CEP170: variants seen among roughly 807,000 people sequenced by gnomAD.
The protein encoded by CEP170 is centrosomal protein of 170 kDa.
A neutral mutation model predicts 151.9 loss-of-function variants in CEP170; 21 were observed. The ratio of observed to expected loss-of-function variants is 0.14; its 90% CI spans 0.10 to 0.20. The LOEUF (loss-of-function observed/expected upper bound fraction) is 0.20, where lower values mean the gene tolerates loss of function less well. Ranked by LOEUF, CEP170 falls within the 10% of genes least tolerant of loss-of-function variation. CEP170 has a pLI of 1.00. For missense variants in CEP170, 964 were observed against 1,892.9 expected, an observed-to-expected ratio of 0.51 and a Z score of 9.11; for synonymous variants, 356 against 648.8, an observed-to-expected ratio of 0.55 and a Z score of 6.86.
At chr1:243,253,200 T>C (rs949685186) in intron 1 of CEP170, 1 of 152,198 alleles carries the variant, frequency 6.6e-6, no homozygotes, top group Non-Finnish European at 1.5e-5. Context: ...AGTAAGTTAC[T>C]TTATGAAAGT....
rs947414000 is a variant in CEP170, at chr1:243,206,350, T to C, written c.275-5515A>G. Among the ~76,000 whole-genome samples, 257 of 136,256 alleles carry C rather than the reference T, an allele frequency of 1.9e-3. 6 individuals are homozygous for C. The highest frequency in any genetic ancestry group is 3.5e-4 in the Non-Finnish European group (22 of 63,524). The allele number at this position is 136,256 out of a possible 152,430, so 89.4% of individuals were successfully genotyped here. On this transcript the variant is annotated intron_variant, in intron 4 of 19. Coordinates refer to ENST00000366542, the MANE Select transcript of CEP170 (RefSeq NM_014812.3). Reference sequence around the variant, plus strand: ...GGTTTCCCCATGTTTGCGAGGCTGATCTCAAACTCCCAACTTCATGATCCG... The same window carrying C: ...GGTTTCCCCATGTTTGCGAGGCTGACCTCAAACTCCCAACTTCATGATCCG...
At chr1:243,145,541 G>A (rs1161119756) in intron 14 of CEP170, among the ~76,000 whole-genome samples, 1 of 152,220 alleles carries the variant, frequency 6.6e-6, no homozygotes, top group African/African-American at 2.4e-5. Flanking sequence ...CCAAAGAGCT[G>A]GGATTACAGG....
chr1:243,201,441 T>C (rs1479038937), intron 4 of CEP170, among the ~76,000 whole-genome samples: 4 of 152,148 alleles, frequency 2.6e-5, no homozygotes, highest in Non-Finnish European at 4.4e-5. Context: ...CTAGATACAA[T>C]GAATGCCTTC....
At chr1:243,246,620 T>G (rs7517866) in intron 1 of CEP170, among the ~76,000 whole-genome samples, 2 of 135,248 alleles carry the variant, frequency 1.5e-5, no homozygotes, top group Admixed American at 7.1e-5. Context: ...CTATGCCACA[T>G]TAAAAGTTAG....
intron 1 of CEP170, among the ~76,000 whole-genome samples, chr1:243,251,778 T>C (rs530787637): frequency 1.3e-5 from 2 of 152,200 alleles, no homozygotes; most frequent in Non-Finnish European, 2.9e-5. Context: ...TTCCTGTTTG[T>C]ATGTAAGTAG....
In CEP170 at chr1:243,165,904, C is replaced by G. The variant is rs749391059; in HGVS notation, c.2056G>C (p.Val686Leu). The G allele has an allele frequency of 1.9e-5, 30 of 1,613,696 alleles. No homozygotes were observed. Among genetic ancestry groups the G allele is most frequent in the Non-Finnish European group, 2.5e-5 (29 of 1,179,762 alleles). Residue 686 changes from valine to leucine, a missense_variant, in exon 13 of 20, where the codon GTA becomes CTA. Coordinates refer to ENST00000366542, the MANE Select transcript of CEP170 (RefSeq NM_014812.3). ...GCATCTTGTTTATCTTTCTGGTATA[C>G]CTGTGTAGGTGTTTCTTTCTCCTGA... ...ELQEKETPTQ[V>L]YQKDKQDADR...
At chr1:243,242,075 A>G (rs1053888761) in intron 1 of CEP170, among the ~76,000 whole-genome samples, 2 of 152,156 alleles carry the variant, frequency 1.3e-5, no homozygotes, top group Non-Finnish European at 2.9e-5. Flanking sequence ...TCTGAGAAGT[A>G]GATGAAAGCA....
At chr1:243,210,957 T>C (rs1191680081) in intron 4 of CEP170, among the ~76,000 whole-genome samples, 1 of 152,074 alleles carries the variant, frequency 6.6e-6, no homozygotes. Context: ...AATTTTATAG[T>C]GTTAATACAT....
chr1:243,166,274 T>C (rs149539044), intron 12 of CEP170, among the ~76,000 whole-genome samples, 158 bp from the exon 13 acceptor site: 12,842 of 152,196 alleles, frequency 0.084, 1,263 homozygotes, highest in African/African-American at 0.22. Flanking sequence ...GTACCTTATA[T>C]AAAGTGGTAT....
intron 10 of CEP170, among the ~76,000 whole-genome samples, chr1:243,173,536 G>A (rs892018236): frequency 2.0e-5 from 3 of 151,270 alleles, no homozygotes; most frequent in Non-Finnish European, 4.4e-5. Context: ...AGGAGTTCCG[G>A]ACCAGCCTGG....
Position 243,203,845 on chromosome 1 carries a change from G to A in CEP170, c.275-3010C>T, listed in dbSNP as rs114223437. Among the ~76,000 whole-genome samples, 1,293 of 151,920 alleles carry A rather than the reference G, an allele frequency of 8.5e-3. 18 individuals carry two copies. The highest frequency in any genetic ancestry group is 0.029 in the African/African-American group (1,222 of 41,462). Reference sequence around the variant, plus strand: ...TTAGAGTCCACAGAGAATTAGTAAGGTAGGTCCTAGGAGACAATAAGGGTT... The same window carrying A: ...TTAGAGTCCACAGAGAATTAGTAAGATAGGTCCTAGGAGACAATAAGGGTT... On this transcript the variant is annotated intron_variant, in intron 4 of 19. Transcript: ENST00000366542.
chr1:243,238,546 T>C (rs564982095), intron 1 of CEP170, among the ~76,000 whole-genome samples: 1 of 152,334 alleles, frequency 6.6e-6, no homozygotes, highest in South Asian at 2.1e-4. Flanking sequence ...GATAAAAGAT[T>C]ATTGGTATTA....
upstream of CEP170, among the ~76,000 whole-genome samples, chr1:243,255,580 G>A (rs1417568277): frequency 1.3e-5 from 2 of 152,198 alleles, no homozygotes; most frequent in Non-Finnish European, 1.5e-5. Context: ...TTACAATCTA[G>A]GCTGTTTGGA....
intron 14 of CEP170, among the ~76,000 whole-genome samples, chr1:243,151,603 G>A (rs1381375883): frequency 6.6e-6 from 1 of 152,258 alleles, no homozygotes; most frequent in Non-Finnish European, 1.5e-5. Context: ...CAGAAGAAAA[G>A]TTTGCAGAGG....
intron 1 of CEP170, among the ~76,000 whole-genome samples, chr1:243,246,739 G>A (rs1224840391): frequency 1.3e-5 from 2 of 152,084 alleles, no homozygotes; most frequent in Non-Finnish European, 2.9e-5. Flanking sequence ...CTTAATGGTA[G>A]AAAATCTTGT....
At chr1:243,233,453 G>T (rs1178282791) in intron 1 of CEP170, among the ~76,000 whole-genome samples, 1 of 152,018 alleles carries the variant, frequency 6.6e-6, no homozygotes, top group Non-Finnish European at 1.5e-5. Flanking sequence ...AATATTTCAG[G>T]CCAGGCGCGG....
intron 8 of CEP170, among the ~76,000 whole-genome samples, chr1:243,189,619 TAA>T (rs1411728912): frequency 1.3e-5 from 2 of 151,618 alleles, no homozygotes; most frequent in Non-Finnish European, 2.9e-5. Context: ...TTATAATGAC[TAA>T]GTTATAAATG....
intron 1 of CEP170, among the ~76,000 whole-genome samples, chr1:243,253,597 T>C (rs1465758034): frequency 6.6e-6 from 1 of 152,214 alleles, no homozygotes; most frequent in Non-Finnish European, 1.5e-5. Flanking sequence ...TTGCTATTCA[T>C]CAGTGTACTG....
intron 2 of CEP170, among the ~76,000 whole-genome samples, chr1:243,223,186 T>C (rs890168239): frequency 1.3e-5 from 2 of 152,130 alleles, no homozygotes; most frequent in Non-Finnish European, 2.9e-5. Flanking sequence ...TTCAAGTACA[T>C]GTAGGCTCTC....
Sources: allele counts gnomAD v4.1 joint callset (sites outside exome capture counted in the v4.1 genomes callset), GRCh38; gene constraint gnomAD v4.1.1; transcripts MANE v1.5; gene names NCBI Gene and HGNC (gene_info 2026-07-23, HGNC 2026-07-21).